The following MALRD1 variants were observed in gnomAD, a reference collection of about 807,000 sequenced individuals.
MALRD1 encodes MAM and LDL-receptor class A domain-containing protein 1.
Under a neutral mutation model 242.1 loss-of-function variants are expected in MALRD1, and 247 were observed. The observed-to-expected ratio is 1.02, with a 90% CI of 0.92 to 1.13. The LOEUF (loss-of-function observed/expected upper bound fraction) is 1.13, where lower values mean the gene tolerates loss of function less well. MALRD1 is among the 50% of genes most tolerant of loss of function. The probability of loss-of-function intolerance (pLI) is 0.00; values close to 1 mark genes in which losing one functional copy is unlikely to be tolerated. For missense variants in MALRD1, 2,989 were observed against 2,533.1 expected (o/e 1.18, Z -3.86); for synonymous variants, 995 against 866.6 (o/e 1.15, Z -2.60).
At chr10:19,233,573 T>C (rs1241044177) in intron 18 of MALRD1, among the ~76,000 whole-genome samples, 2 of 151,850 alleles carry the variant, frequency 1.3e-5, no homozygotes, top group Non-Finnish European at 2.9e-5. Context: ...TGATTTTTTT[T>C]CCCAAAGCTT....
intron 19 of MALRD1, among the ~76,000 whole-genome samples, chr10:19,262,931 G>A (rs951320386): frequency 3.3e-5 from 5 of 152,050 alleles, no homozygotes; most frequent in Non-Finnish European, 5.9e-5. Flanking sequence ...AATGGACATG[G>A]CATTATTCTA....
chr10:19,118,008 C>T (rs1433171171), intron 5 of MALRD1, among the ~76,000 whole-genome samples: 4 of 151,900 alleles, frequency 2.6e-5, no homozygotes, highest in African/African-American at 9.7e-5. Flanking sequence ...AAAAATGGCA[C>T]TAAGCAAATA....
At chr10:19,327,956 C>T (rs1368171230) in intron 23 of MALRD1, among the ~76,000 whole-genome samples, 1 of 152,104 alleles carries the variant, frequency 6.6e-6, no homozygotes, top group African/African-American at 2.4e-5. Context: ...GTATAAGGAA[C>T]ATTTACCTCT....
At position 19,402,557 on chromosome 10, in the gene MALRD1, A is replaced by C. The variant is rs141924535; in HGVS notation, c.4845+12948A>C. Among the ~76,000 whole-genome samples, 1,258 of 152,210 alleles carry C rather than the reference A, an allele frequency of 8.3e-3. 17 individuals are homozygous for C. The highest frequency in any genetic ancestry group is 0.014 in the South Asian group (69 of 4,816). On this transcript the variant is annotated intron_variant, in intron 28 of 39. Transcript: ENST00000454679. ...GCCATGTGGAACTGTGAGTCAATTA[A>C]ACTTCTTTCCTTTATAAATTACCCA...
chr10:19,381,320 T>G (rs985361342), intron 26 of MALRD1, among the ~76,000 whole-genome samples: 19 of 151,508 alleles, frequency 1.3e-4, no homozygotes, highest in Non-Finnish European at 2.9e-5. Flanking sequence ...TGTTGGACAT[T>G]TGGGTTGGTT....
chr10:19,465,601 G>C (rs920766908), intron 29 of MALRD1, among the ~76,000 whole-genome samples: 1 of 152,080 alleles, frequency 6.6e-6, no homozygotes, highest in Non-Finnish European at 1.5e-5. Flanking sequence ...CACGATCACA[G>C]CTCACTGCAG....
At chr10:19,053,703 T>C (rs1266107484) in intron 1 of MALRD1, among the ~76,000 whole-genome samples, 1 of 152,148 alleles carries the variant, frequency 6.6e-6, no homozygotes, top group Non-Finnish European at 1.5e-5. Flanking sequence ...AAAACCTTAG[T>C]TCTAAGGATT....
intron 34 of MALRD1, among the ~76,000 whole-genome samples, chr10:19,603,673 G>A (rs180713204): frequency 6.6e-6 from 1 of 152,146 alleles, no homozygotes. Flanking sequence ...TCTTGGCAAT[G>A]CGGGCCCTTT....
intron 21 of MALRD1, among the ~76,000 whole-genome samples, chr10:19,299,321 T>A (rs945091530): frequency 2.6e-5 from 4 of 151,740 alleles, no homozygotes; most frequent in Admixed American, 2.6e-4. Flanking sequence ...AAATACAAAG[T>A]AAAGGGGTGG....
At chr10:19,131,143 A>G (rs1163973337) in intron 8 of MALRD1, among the ~76,000 whole-genome samples, 3 of 152,094 alleles carry the variant, frequency 2.0e-5, no homozygotes, top group Non-Finnish European at 2.9e-5. Flanking sequence ...TCCCAAGTCA[A>G]TGTTTTATCA....
chr10:19,363,876 C>CT (rs1412691674), intron 26 of MALRD1, among the ~76,000 whole-genome samples: 2 of 152,044 alleles, frequency 1.3e-5, no homozygotes, highest in Non-Finnish European at 2.9e-5. Context: ...GTCAGTATTT[C>CT]TGTGGTTGAG....
At chr10:19,657,583 GC>G (rs1841218691) in intron 36 of MALRD1, among the ~76,000 whole-genome samples, 1 of 151,632 alleles carries the variant, frequency 6.6e-6, no homozygotes, top group African/African-American at 2.4e-5. Context: ...TAAATATTAG[GC>G]ATATATATAA....
intron 4 of MALRD1, among the ~76,000 whole-genome samples, chr10:19,101,298 A>G (rs1366672157): frequency 6.8e-6 from 1 of 146,428 alleles, no homozygotes; most frequent in African/African-American, 2.5e-5. Context: ...TATATAACAT[A>G]TATCTATATT....
At chr10:19,503,502 A>T (rs1315719766) in intron 31 of MALRD1, among the ~76,000 whole-genome samples, 1 of 151,932 alleles carries the variant, frequency 6.6e-6, no homozygotes, top group Non-Finnish European at 1.5e-5. Context: ...ACATCAGTCG[A>T]CTCTCTGGTC....
intron 29 of MALRD1, among the ~76,000 whole-genome samples, chr10:19,470,311 G>A (rs181919202): frequency 9.2e-5 from 14 of 152,010 alleles, no homozygotes; most frequent in East Asian, 5.8e-4. Context: ...ATTCCATTGC[G>A]TGTGTATACC....
intron 38 of MALRD1, among the ~76,000 whole-genome samples, chr10:19,693,981 T>G (rs539969077): frequency 7.9e-5 from 12 of 152,186 alleles, no homozygotes; most frequent in African/African-American, 2.4e-4. Flanking sequence ...GGGGAAAGGA[T>G]TCCCTATTTA....
chr10:19,457,580 GA>G (rs1835724199), intron 29 of MALRD1, among the ~76,000 whole-genome samples: 1 of 151,854 alleles, frequency 6.6e-6, no homozygotes, highest in Non-Finnish European at 1.5e-5. Context: ...GTTTCTAAAA[GA>G]AATTTGAACT....
chr10:19,498,594 T>G lies in MALRD1; in HGVS notation c.5268T>G (p.Ile1756Met). 1.3e-6 allele frequency: 2 copies of G among 1,550,042 alleles called. No individual in the cohort carries two copies. The highest frequency in any genetic ancestry group is 1.7e-6 in the Non-Finnish European group (2 of 1,146,762). ...QDSEDDLDWA[I>M]GSRIPAKALI... ...CTGAGGATGACTTGGACTGGGCCAT[T>G]GGCAGCAGAATTCCTGCCAAAGCAT... Residue 1756 changes from isoleucine to methionine, a missense_variant, in exon 31 of 40, where the codon ATT (isoleucine) becomes ATG (methionine). Transcript: ENST00000454679.
chr10:19,628,790 T>C (rs376032137), intron 36 of MALRD1, among the ~76,000 whole-genome samples: 55 of 152,314 alleles, frequency 3.6e-4, no homozygotes, highest in Middle Eastern at 3.4e-3. Flanking sequence ...AAAAGAGTTT[T>C]TATATTTTTA....
Sources: gnomAD v4.1 joint callset for allele counts (sites outside exome capture counted in the v4.1 genomes callset) on GRCh38, gnomAD v4.1.1 for gene constraint, MANE v1.5 for transcripts, NCBI Gene and HGNC (gene_info 2026-07-23, HGNC 2026-07-21) for gene names.